The following EIF3M variants were observed in gnomAD, a reference collection of about 807,000 sequenced individuals.
EIF3M encodes the protein B5 receptor.
A neutral mutation model predicts 49.7 loss-of-function variants in EIF3M; 25 were observed. That is an observed-to-expected ratio of 0.50 (90% CI 0.37 to 0.70). The LOEUF is 0.70. Among genes scored for constraint, EIF3M ranks in the 30% least tolerant of loss-of-function variants. EIF3M has a pLI of 0.00. For missense variants in EIF3M, 350 were observed against 440.0 expected, an observed-to-expected ratio of 0.80 and a Z score of 1.83; for synonymous variants, 156 against 149.8, an observed-to-expected ratio of 1.04 and a Z score of -0.30.
intron 8 of EIF3M, among the ~76,000 whole-genome samples, chr11:32,598,858 A>T (rs762851639): frequency 6.6e-6 from 1 of 152,092 alleles, no homozygotes; most frequent in Non-Finnish European, 1.5e-5. Flanking sequence ...AAAATCTTTA[A>T]TACTTATTCA....
chr11:32,600,431 AATC>A (rs1288767693), intron 8 of EIF3M, among the ~76,000 whole-genome samples: 2 of 151,960 alleles, frequency 1.3e-5, no homozygotes, highest in Non-Finnish European at 2.9e-5. Context: ...GTCTAAAAAT[AATC>A]ATTTTATGGC....
At chr11:32,592,061 A>C (rs1411689718) in intron 5 of EIF3M, 1 of 271,630 alleles carries the variant, frequency 3.7e-6, no homozygotes, top group Non-Finnish European at 7.2e-6. Context: ...TGCCACCATC[A>C]CCTTCAAATC....
intron 6 of EIF3M, 90 bp downstream of exon 6, chr11:32,594,039 A>C (rs1347933764): frequency 1.2e-6 from 1 of 846,740 alleles, no homozygotes; most frequent in Non-Finnish European, 1.7e-6. Flanking sequence ...CATGTTTGCA[A>C]CTACCAGTGA....
intron 8 of EIF3M, among the ~76,000 whole-genome samples, chr11:32,599,728 TC>T (rs1262542031): frequency 1.3e-5 from 2 of 151,982 alleles, no homozygotes; most frequent in Non-Finnish European, 2.9e-5. Flanking sequence ...AGAATTCTGC[TC>T]CTACTTAGGA....
chr11:32,601,476 T>A (rs182157829), intron 9 of EIF3M: 306 of 250,596 alleles, frequency 1.2e-3, no homozygotes, highest in Admixed American at 3.9e-3. Context: ...TATGAGATGG[T>A]AGGGGAAGAA....
chr11:32,598,464 G>A (rs1440739023), intron 8 of EIF3M, among the ~76,000 whole-genome samples: 13 of 152,074 alleles, frequency 8.5e-5, no homozygotes, highest in African/African-American at 3.1e-4. Flanking sequence ...TTAGTTTTAT[G>A]AAACAAAGCA....
intron 1 of EIF3M, among the ~76,000 whole-genome samples, chr11:32,584,834 A>G (rs1400346978): frequency 1.1e-4 from 16 of 152,132 alleles, no homozygotes; most frequent in Non-Finnish European, 2.4e-4. Flanking sequence ...GCTCTTTGGT[A>G]TACAGGGCTG....
rs183411052 is a variant in EIF3M at position 32,602,838 on chromosome 11, C to T, written c.*439C>T. 27 of 1,601,624 alleles carry T rather than the reference C, an allele frequency of 1.7e-5. No individual in the cohort carries two copies. In the East Asian group the frequency reaches 3.6e-4, roughly 21 times the overall value. On this transcript the variant is annotated 3_prime_UTR_variant, in exon 11 of 11. Coordinates refer to ENST00000531120, the MANE Select transcript of EIF3M (RefSeq NM_006360.6). The stretch of plus-strand genomic sequence containing the variant: ...ATTTTAATCTGTTGTTTTTTTCCAA[C>T]GTCTCTTCTGCTTTTCTTTTCTTTG...
intron 2 of EIF3M, among the ~76,000 whole-genome samples, chr11:32,587,613 G>A (rs1265987259): frequency 1.3e-5 from 2 of 152,078 alleles, no homozygotes; most frequent in Non-Finnish European, 2.9e-5. Context: ...TTTCTTAAGT[G>A]TTATTACACT....
rs747876038 is a variant in EIF3M, at chr11:32,603,048, C to T, written c.*649C>T. ...GGGAAAGATAAACTAATTTTACCTT[C>T]GAAATTATTATACAAAAGATTTTAA... On this transcript the variant is annotated 3_prime_UTR_variant, in exon 11 of 11. Coordinates refer to ENST00000531120, the MANE Select transcript of EIF3M (RefSeq NM_006360.6). The T allele has an allele frequency of 9.2e-6, 14 of 1,524,454 alleles. No individual in the cohort carries two copies. The highest frequency in any genetic ancestry group is 1.2e-5 in the South Asian group (1 of 83,474). 94.4% of individuals were successfully genotyped at this position (1,524,454 alleles called of 1,614,324 possible).
In EIF3M at chr11:32,594,752, G is replaced by A. The variant is rs370858544; in HGVS notation, c.618-162G>A. 911 of 482,616 alleles carry A rather than the reference G, an allele frequency of 1.9e-3. 12 individuals are homozygous for A. In the Middle Eastern group the frequency reaches 0.02, roughly 10 times the overall value. The allele number at this position is 482,616 out of a possible 1,614,324, so 29.9% of individuals were successfully genotyped here. ...TAAAACAGATGAACCTGATAAATGT[G>A]TTGGCCTGTCTTAACCCAATCCTGT... is the stretch of plus-strand genomic sequence containing the variant. On this transcript the variant is annotated intron_variant, in intron 6 of 10. Transcript: ENST00000531120.
Position 32,604,017 on chromosome 11 carries a change from A to C in EIF3M, c.*1618A>C, listed in dbSNP as rs1590535402. ...AGGAGGTGAAGGTTGCAATGAGCCA[A>C]GATCATGCCATTGCACTCCAGCCTG... On this transcript the variant is annotated 3_prime_UTR_variant, in exon 11 of 11. Transcript: ENST00000531120. The C allele has an allele frequency of 6.6e-6, 1 of 152,378 alleles. No individual in the cohort carries two copies. The highest frequency in any genetic ancestry group is 2.4e-5 in the African/African-American group (1 of 41,582). The allele number at this position is 152,378 out of a possible 1,614,324, so 9.4% of individuals were successfully genotyped here.
chr11:32,594,811 G>C (rs1336520953), intron 6 of EIF3M, 103 bp from the exon 7 acceptor site: 7 of 961,798 alleles, frequency 7.3e-6, no homozygotes, highest in Non-Finnish European at 9.3e-6. Flanking sequence ...GTTTTGGACT[G>C]TTAGATATTT....
intron 9 of EIF3M, chr11:32,601,501 T>TAAAAAAAAAAA (rs60498109): frequency 4.7e-6 from 1 of 213,450 alleles, no homozygotes; most frequent in African/African-American, 2.4e-5. Flanking sequence ...TAGCATTCTT[T>TAAAAAAAAAAA]AAAAAAAAAA....
intron 7 of EIF3M, 134 bp downstream of exon 7, chr11:32,595,147 T>C: frequency 1.4e-6 from 1 of 712,410 alleles, no homozygotes; most frequent in Non-Finnish European, 2.3e-6. Flanking sequence ...CTATGTATTC[T>C]TTTTATATCA....
chr11:32,591,447 C>T (rs570513652), intron 5 of EIF3M, among the ~76,000 whole-genome samples: 5 of 152,204 alleles, frequency 3.3e-5, no homozygotes, highest in Non-Finnish European at 7.4e-5. Context: ...CCTGGTACCA[C>T]TACACTACCA....
chr11:32,584,841 G>A (rs1445414456), intron 1 of EIF3M, among the ~76,000 whole-genome samples: 1 of 152,080 alleles, frequency 6.6e-6, no homozygotes, highest in African/African-American at 2.4e-5. Context: ...GGTATACAGG[G>A]CTGATGGTTC....
rs1239546270 is a variant in EIF3M at position 32,604,770 on chromosome 11, T to A, written c.*2371T>A. 1.3e-5 allele frequency: 2 copies of A among 152,238 alleles called. No individual in the cohort carries two copies. The highest frequency in any genetic ancestry group is 2.9e-5 in the Non-Finnish European group (2 of 68,044). 9.4% of individuals were successfully genotyped at this position (152,238 alleles called of 1,614,324 possible). A position where few individuals can be genotyped will look rare whatever the true frequency, so the allele number is the denominator to read the frequency against. On this transcript the variant is annotated 3_prime_UTR_variant, in exon 11 of 11. Transcript: ENST00000531120. ...GAAGATCTTTGGGTACTGCCTTACA[T>A]TAAAATCTTTTTCAATTTGACCAGT...
intron 1 of EIF3M, among the ~76,000 whole-genome samples, chr11:32,584,459 T>C (rs1854960852): frequency 6.6e-6 from 1 of 150,558 alleles, no homozygotes; most frequent in South Asian, 2.1e-4. Context: ...TACAAAAAAA[T>C]TACCCGGGCG....
Sources: allele counts gnomAD v4.1 joint callset (sites outside exome capture counted in the v4.1 genomes callset), GRCh38; gene constraint gnomAD v4.1.1; transcripts MANE v1.5; gene names NCBI Gene and HGNC (gene_info 2026-07-23, HGNC 2026-07-21).